CYP2C18: variants seen among roughly 807,000 people sequenced by gnomAD.
CYP2C18 encodes cytochrome P450 family 2 subfamily C member 18, also known as cytochrome P450 2C18.
A neutral mutation model predicts 41.3 loss-of-function variants in CYP2C18; 38 were observed. The observed-to-expected ratio is 0.92, with a 90% CI of 0.71 to 1.21. The LOEUF (loss-of-function observed/expected upper bound fraction) is 1.21, where lower values mean the gene tolerates loss of function less well. CYP2C18 is among the 50% of genes most tolerant of loss of function. CYP2C18 has a pLI of 0.00. For synonymous variants in CYP2C18, 236 were observed against 210.0 expected (o/e 1.12, Z -1.07); for missense variants, 635 against 591.4 (o/e 1.07, Z -0.77).
At chr10:94,696,244 C>A (rs560886763) in intron 4 of CYP2C18, among the ~76,000 whole-genome samples, 1 of 152,266 alleles carries the variant, frequency 6.6e-6, no homozygotes, top group African/African-American at 2.4e-5. Flanking sequence ...TAGGGGCAGA[C>A]TGACACCTCA....
At chr10:94,688,652 A>G (rs1024104699) in intron 3 of CYP2C18, among the ~76,000 whole-genome samples, 2 of 152,182 alleles carry the variant, frequency 1.3e-5, no homozygotes, top group African/African-American at 2.4e-5. Flanking sequence ...TTGTGCACCT[A>G]TGCTTGTTGT....
chr10:94,713,080 A>T (rs560703999), intron 5 of CYP2C18, among the ~76,000 whole-genome samples: 4 of 152,064 alleles, frequency 2.6e-5, no homozygotes, highest in Non-Finnish European at 5.9e-5. Context: ...ATATATGTGC[A>T]TGCATGTCTG....
chr10:94,693,181 C>T (rs1847044109), intron 3 of CYP2C18, among the ~76,000 whole-genome samples: 1 of 152,034 alleles, frequency 6.6e-6, no homozygotes, highest in Non-Finnish European at 1.5e-5. Flanking sequence ...GTGTAATCCC[C>T]CATATTGGAG....
At chr10:94,684,340 C>G (rs987426368) in intron 1 of CYP2C18, among the ~76,000 whole-genome samples, 5 of 152,108 alleles carry the variant, frequency 3.3e-5, no homozygotes, top group African/African-American at 9.7e-5. Context: ...ACCAACGTAT[C>G]CCCTTATTTG....
chr10:94,732,916 G>A (rs61886201), intron 7 of CYP2C18, among the ~76,000 whole-genome samples: 5,106 of 152,152 alleles, frequency 0.034, 129 homozygotes, highest in Non-Finnish European at 0.055. Flanking sequence ...ATATACCCAT[G>A]TAACAGTCCT....
At chr10:94,723,391 G>A (rs1247468907) in intron 6 of CYP2C18, among the ~76,000 whole-genome samples, 1 of 151,994 alleles carries the variant, frequency 6.6e-6, no homozygotes, top group Non-Finnish European at 1.5e-5. Flanking sequence ...GACATTAAGG[G>A]CAAAGAAAAG....
intron 7 of CYP2C18, among the ~76,000 whole-genome samples, chr10:94,732,299 A>G (rs1233554466): frequency 3.9e-5 from 6 of 152,142 alleles, no homozygotes; most frequent in Non-Finnish European, 8.8e-5. Flanking sequence ...CAGAATGGCT[A>G]TGATTAAGAA....
chr10:94,705,565 T>G (rs1564642391), intron 4 of CYP2C18, among the ~76,000 whole-genome samples: 1 of 152,220 alleles, frequency 6.6e-6, no homozygotes, highest in South Asian at 2.1e-4. Flanking sequence ...AGTTGCCATT[T>G]TTTTTATTCA....
At chr10:94,698,279 G>A (rs1251927267) in intron 4 of CYP2C18, among the ~76,000 whole-genome samples, 2 of 152,280 alleles carry the variant, frequency 1.3e-5, no homozygotes, top group East Asian at 3.9e-4. Flanking sequence ...ATAACAAACT[G>A]TCTCTCAGAC....
intron 4 of CYP2C18, among the ~76,000 whole-genome samples, chr10:94,704,192 C>T (rs770969931): frequency 6.6e-6 from 1 of 152,136 alleles, no homozygotes; most frequent in African/African-American, 2.4e-5. Context: ...TTGCCCCAAT[C>T]CCAGTCCAGA....
At chr10:94,704,972 C>T (rs985816872) in intron 4 of CYP2C18, among the ~76,000 whole-genome samples, 2 of 152,054 alleles carry the variant, frequency 1.3e-5, no homozygotes, top group East Asian at 1.9e-4. Flanking sequence ...CGTGTTAGCC[C>T]GTGTTAGTCC....
chr10:94,715,163 C>A (rs112150590), intron 5 of CYP2C18, among the ~76,000 whole-genome samples: 3,843 of 152,126 alleles, frequency 0.025, 147 homozygotes, highest in African/African-American at 0.075. Context: ...TAATTGAATA[C>A]CCTTTATTTC....
intron 5 of CYP2C18, among the ~76,000 whole-genome samples, chr10:94,711,078 C>T (rs1847428020): frequency 6.6e-6 from 1 of 152,058 alleles, no homozygotes; most frequent in Admixed American, 6.6e-5. Context: ...ACTTTTTCAC[C>T]AACTGAATAT....
intron 5 of CYP2C18, among the ~76,000 whole-genome samples, chr10:94,718,521 G>C (rs1303355321): frequency 1.3e-5 from 2 of 151,986 alleles, no homozygotes; most frequent in African/African-American, 4.8e-5. Context: ...TCTTTTTCCT[G>C]ATCTTATGGG....
At chr10:94,719,976 T>C (rs886794734) in intron 5 of CYP2C18, among the ~76,000 whole-genome samples, 1 of 152,050 alleles carries the variant, frequency 6.6e-6, no homozygotes, top group Non-Finnish European at 1.5e-5. Context: ...CATCCCAAAG[T>C]GTTGGGATTA....
chr10:94,727,605 G>A (rs543719068), intron 7 of CYP2C18, among the ~76,000 whole-genome samples: 108 of 150,040 alleles, frequency 7.2e-4, no homozygotes, highest in African/African-American at 2.4e-3. Context: ...ACAGAGCAAG[G>A]CCCTGTCTCA....
At position 94,720,527 on chromosome 10, in the gene CYP2C18, A is replaced by T. The variant is rs1216338511; in HGVS notation, c.951A>T (p.Pro317=). 6.2e-7 allele frequency: 1 copy of T among 1,613,050 alleles called. No homozygotes were observed. Among genetic ancestry groups the T allele is most frequent in the African/African-American group, 1.3e-5 (1 of 74,880 alleles). The change falls in exon 6 of 9, where the codon CCA becomes CCT. Residue 317 remains proline, a synonymous_variant. Transcript: ENST00000285979. ...GACTCCTGCTCCTGCTGAAGTACCC[A>T]GAGGTCACAGGTATGATGATACCAT... is the stretch of plus-strand genomic sequence containing the variant. ...RYGLLLLLKY[P]EVTAKVQEEI...
At chr10:94,686,205 A>C (rs1846884881) in intron 1 of CYP2C18, among the ~76,000 whole-genome samples, 1 of 152,148 alleles carries the variant, frequency 6.6e-6, no homozygotes, top group Non-Finnish European at 1.5e-5. Context: ...TTGCTAGTGT[A>C]TAAAAATGCC....
intron 4 of CYP2C18, among the ~76,000 whole-genome samples, chr10:94,695,806 T>A (rs7094365): frequency 6.6e-6 from 1 of 152,068 alleles, no homozygotes; most frequent in Non-Finnish European, 1.5e-5. Context: ...TTTCCAATGA[T>A]CTTAGCAAAT....
Sources: gnomAD v4.1 joint callset for allele counts (sites outside exome capture counted in the v4.1 genomes callset) on GRCh38, gnomAD v4.1.1 for gene constraint, MANE v1.5 for transcripts, NCBI Gene and HGNC (gene_info 2026-07-23, HGNC 2026-07-21) for gene names.